WWP1: variants seen among roughly 807,000 people sequenced by gnomAD.
WWP1 encodes the protein WW domain containing E3 ubiquitin protein ligase 1.
Under a neutral mutation model 130.6 loss-of-function variants are expected in WWP1, and 49 were observed. The observed-to-expected ratio is 0.38, with a 90% confidence interval of 0.30 to 0.48. The LOEUF (loss-of-function observed/expected upper bound fraction) is 0.48, where lower values mean the gene tolerates loss of function less well. Ranked by LOEUF, WWP1 falls within the 20% of genes least tolerant of loss-of-function variation. The probability of loss-of-function intolerance (pLI) is 0.99; values close to 1 mark genes in which losing one functional copy is unlikely to be tolerated. For synonymous variants in WWP1, 332 were observed against 367.8 expected (o/e 0.90, Z 1.11); for missense variants, 809 against 1,100.6 (o/e 0.74, Z 3.75).
At chr8:86,347,545 C>CT in intron 1 of WWP1, among the ~76,000 whole-genome samples, 1 of 152,292 alleles carries the variant, frequency 6.6e-6, no homozygotes, top group East Asian at 1.9e-4. Context: ...TAGAGGTAAA[C>CT]TTGTCAGTTT....
At position 86,398,493 on chromosome 8, in the gene WWP1, A is replaced by C. The variant is rs370738256; in HGVS notation, c.472+14A>C. On this transcript the variant is annotated intron_variant, in intron 6 of 24. Coordinates refer to ENST00000517970, the MANE Select transcript of WWP1 (RefSeq NM_007013.4). ...CATCTCCAACCAGTAAGCTAACTTT[A>C]TATGTTTGTAAAATTTCAAGGAAAA... 6.8e-6 allele frequency: 11 copies of C among 1,609,860 alleles called. No homozygotes were observed. In the East Asian group the frequency reaches 2.5e-4, roughly 36 times the overall value.
chr8:86,465,148 T>C (rs917698451), intron 24 of WWP1, among the ~76,000 whole-genome samples: 4 of 152,044 alleles, frequency 2.6e-5, no homozygotes, highest in Non-Finnish European at 4.4e-5. Context: ...ACGGCTAAGA[T>C]TGCTAGGCAA....
At chr8:86,397,776 G>T (rs904347392) in intron 5 of WWP1, among the ~76,000 whole-genome samples, 2 of 152,266 alleles carry the variant, frequency 1.3e-5, no homozygotes, top group Non-Finnish European at 2.9e-5. Context: ...ATATAAAAAT[G>T]ATAAACGATT....
At chr8:86,369,685 T>G (rs1824174911) in intron 2 of WWP1, among the ~76,000 whole-genome samples, 1 of 152,180 alleles carries the variant, frequency 6.6e-6, no homozygotes, top group Non-Finnish European at 1.5e-5. Context: ...TTCTTTGATT[T>G]TTGTTTAATC....
intron 5 of WWP1, among the ~76,000 whole-genome samples, chr8:86,390,994 A>G (rs1228359930): frequency 4.0e-5 from 6 of 151,736 alleles, no homozygotes; most frequent in African/African-American, 9.7e-5. Context: ...TTGAATAGGT[A>G]TATTTTCTAT....
Position 86,442,727 on chromosome 8 carries a change from T to C in WWP1, c.1947T>C (p.Ile649=), listed in dbSNP as rs567272078. 1 of 1,612,900 alleles carries C rather than the reference T, an allele frequency of 6.2e-7. No homozygotes were observed. Among genetic ancestry groups the C allele is most frequent in the East Asian group, 2.2e-5 (1 of 44,826 alleles). The part of the protein sequence containing the change: ...YCLQINPAST[I]NPDHLSYFCF... Reference sequence around the variant, plus strand: ...TGCAGATAAATCCAGCATCAACCATTAATCCAGACCATCTTTCATACTTCT... The same window carrying C: ...TGCAGATAAATCCAGCATCAACCATCAATCCAGACCATCTTTCATACTTCT... Residue 649 remains isoleucine, a synonymous_variant, in exon 18 of 25, where the codon ATT becomes ATC. Coordinates refer to ENST00000517970, the MANE Select transcript of WWP1 (RefSeq NM_007013.4).
intron 8 of WWP1, among the ~76,000 whole-genome samples, chr8:86,410,705 T>C (rs1339908970): frequency 8.9e-5 from 1 of 11,298 alleles, no homozygotes; most frequent in Non-Finnish European, 2.7e-4. Flanking sequence ...TTCTACTTAC[T>C]TTTTTTTTTT....
Position 86,461,229 on chromosome 8 carries a change from G to C in WWP1, c.2505G>C (p.Val835=), listed in dbSNP as rs375091817. ...TACATTTAATTTCATTACAGTTTGTGAAAGAGACAGACAATGAAGTAAGAA... is the reference window on the plus strand; with the variant it reads ...TACATTTAATTTCATTACAGTTTGTCAAAGAGACAGACAATGAAGTAAGAA... ...SKQIIWFWQF[V]KETDNEVRMR... is the part of the protein sequence containing the mutation. The change falls in exon 23 of 25, where the codon GTG becomes GTC. Residue 835 remains valine (V), a synonymous_variant. Transcript: ENST00000517970. 1.2e-4 allele frequency: 190 copies of C among 1,613,530 alleles called. 4 individuals carry two copies. In the South Asian group the frequency reaches 2.0e-3, roughly 17 times the overall value.
chr8:86,443,703 T>C (rs1810712913), intron 18 of WWP1, among the ~76,000 whole-genome samples: 1 of 152,074 alleles, frequency 6.6e-6, no homozygotes, highest in Non-Finnish European at 1.5e-5. Flanking sequence ...TTTTTTTATA[T>C]GGTATGGTTA....
chr8:86,425,951 T>C lies in WWP1; in HGVS notation c.1157+633T>C, dbSNP rs542100395. Among the ~76,000 whole-genome samples, 3 of 150,588 alleles carry C rather than the reference T, an allele frequency of 2.0e-5. No homozygotes were observed. The South Asian group carries it at 6.2e-4, about 31-fold the overall frequency. Reference sequence around the variant, plus strand: ...TTTGCATTCATTTACTCACACATTCTATGTGTACCTGGAATATATTTCTTA... The same window carrying C: ...TTTGCATTCATTTACTCACACATTCCATGTGTACCTGGAATATATTTCTTA... On this transcript the variant is annotated intron_variant, in intron 10 of 24. Coordinates refer to ENST00000517970, the MANE Select transcript of WWP1 (RefSeq NM_007013.4).
chr8:86,362,368 AT>A (rs1208376396), intron 1 of WWP1, among the ~76,000 whole-genome samples: 1 of 150,626 alleles, frequency 6.6e-6, no homozygotes, highest in African/African-American at 2.4e-5. Flanking sequence ...ATCAGTGTTT[AT>A]TGAGTGATTG....
chr8:86,378,268 A>G (rs1395252445), intron 3 of WWP1, among the ~76,000 whole-genome samples: 1 of 152,178 alleles, frequency 6.6e-6, no homozygotes, highest in Non-Finnish European at 1.5e-5. Context: ...AATGTATTAA[A>G]TTGGAGCTAA....
chr8:86,435,113 C>T (rs1014670448), intron 14 of WWP1, among the ~76,000 whole-genome samples: 3 of 152,214 alleles, frequency 2.0e-5, no homozygotes, highest in East Asian at 1.9e-4. Context: ...TTTCCTTCCA[C>T]GTCTCTTCTG....
At chr8:86,357,660 GA>G (rs773617258) in intron 1 of WWP1, among the ~76,000 whole-genome samples, 2 of 152,178 alleles carry the variant, frequency 1.3e-5, no homozygotes, top group African/African-American at 4.8e-5. Context: ...CTGTTTTGAT[GA>G]CAAAAGTTTA....
chr8:86,427,335 C>T (rs1406658612), intron 10 of WWP1, among the ~76,000 whole-genome samples: 1 of 151,790 alleles, frequency 6.6e-6, no homozygotes, highest in African/African-American at 2.4e-5. Flanking sequence ...GACCATGGCA[C>T]ATGTATACCT....
At chr8:86,385,878 A>G (rs1825253714) in intron 5 of WWP1, among the ~76,000 whole-genome samples, 1 of 152,252 alleles carries the variant, frequency 6.6e-6, no homozygotes, top group Non-Finnish European at 1.5e-5. Context: ...TTTACTGTAT[A>G]TAAAACATAA....
intron 7 of WWP1, among the ~76,000 whole-genome samples, chr8:86,400,520 A>G (rs1807916095): frequency 6.6e-6 from 1 of 152,132 alleles, no homozygotes; most frequent in South Asian, 2.1e-4. Context: ...TAAGATTAAT[A>G]AGCCACAAAT....
intron 14 of WWP1, among the ~76,000 whole-genome samples, chr8:86,434,596 A>T (rs1402552860): frequency 6.6e-6 from 1 of 152,068 alleles, no homozygotes; most frequent in East Asian, 1.9e-4. Context: ...TTATTGTTTT[A>T]TTGTTCTAGG....
intron 17 of WWP1, among the ~76,000 whole-genome samples, chr8:86,441,006 T>C (rs73257052): frequency 0.054 from 8,235 of 152,304 alleles, 378 homozygotes; most frequent in African/African-American, 0.12. Flanking sequence ...TTTGAGAGTA[T>C]TGAGAAGAAT....
Sources: allele counts gnomAD v4.1 joint callset (sites outside exome capture counted in the v4.1 genomes callset), GRCh38; gene constraint gnomAD v4.1.1; transcripts MANE v1.5; gene names NCBI Gene and HGNC (gene_info 2026-07-23, HGNC 2026-07-21).